Variants in SETD1A observed in about 807,000 individuals in gnomAD.
SETD1A encodes SET domain containing 1A, histone lysine methyltransferase.
SETD1A carries 29 observed loss-of-function variants against 149.9 expected under a neutral mutation model. The observed-to-expected ratio is 0.19, with a 90% CI of 0.14 to 0.26. SETD1A has a LOEUF of 0.26. SETD1A is among the 10% of genes least tolerant of loss of function. The pLI, the probability that SETD1A is intolerant of heterozygous loss-of-function variation, is 1.00. For missense variants in SETD1A, 2,109 were observed against 2,353.1 expected, an observed-to-expected ratio of 0.90 and a Z score of 2.15; for synonymous variants, 1,141 against 968.5, an observed-to-expected ratio of 1.18 and a Z score of -3.31.
In SETD1A at chr16:30,963,566, G is replaced by A. The variant is rs1420255109; in HGVS notation, c.639+12G>A. On this transcript the variant is annotated intron_variant, in intron 5 of 18. Transcript: ENST00000262519. ...CAGCCACTGAGACGGTGAGAAGTTTGTGGCTACCACAGCCCCTAGCCATGT... is the reference window on the plus strand; with the variant it reads ...CAGCCACTGAGACGGTGAGAAGTTTATGGCTACCACAGCCCCTAGCCATGT... 3.7e-6 allele frequency: 6 copies of A among 1,610,286 alleles called. No homozygotes were observed. In the African/African-American group the frequency reaches 8.0e-5, roughly 22 times the overall value.
rs771075721 is a variant in SETD1A at position 30,965,595 on chromosome 16, C to T, written c.1720-6C>T. On this transcript the variant is annotated splice_region_variant and splice_polypyrimidine_tract_variant and intron_variant, in intron 7 of 18. Coordinates refer to ENST00000262519, the MANE Select transcript of SETD1A (RefSeq NM_014712.3). ...AGCCTTCTGTGACCCTCTTCTGCCC[C>T]CGCAGGCTTCTCCATGCTCTTCTGG... 3 of 1,612,356 alleles carry T rather than the reference C, an allele frequency of 1.9e-6. No individual in the cohort carries two copies. Among genetic ancestry groups the T allele is most frequent in the Non-Finnish European group, 2.5e-6 (3 of 1,179,384 alleles).
At chr16:30,966,444 T>A (rs1437852357) in intron 8 of SETD1A, 58 bp downstream of exon 8, 22 of 1,536,822 alleles carry the variant, frequency 1.4e-5, no homozygotes, top group Admixed American at 8.0e-5. Context: ...AATGGGCCTC[T>A]GGCTCCTCCA....
Position 30,983,635 on chromosome 16 carries a change from ATGG to A in SETD1A, c.4817_4819del (p.Val1606del), listed in dbSNP as rs1476326498. The A allele has an allele frequency of 6.2e-7, 1 of 1,612,162 alleles. No individual in the cohort carries two copies. Among genetic ancestry groups the A allele is most frequent in the Non-Finnish European group, 8.5e-7 (1 of 1,179,602 alleles). ...TGACCATCGCATCTCACCCTGGCAG[ATGG>A]TGGCCGACATGCGGGAGAAGCGCTA... On this transcript the variant is annotated inframe_deletion and splice_region_variant, in exon 18 of 19. Transcript: ENST00000262519. This position sits in a 1 kb window ranked among gnomAD's most constrained non-coding sequence, Gnocchi z 6.8.
At position 30,966,073 on chromosome 16, in the gene SETD1A, C is replaced by T. The variant is rs370969594; in HGVS notation, c.2192C>T (p.Ala731Val). Residue 731 changes from alanine to valine, a missense_variant, in exon 8 of 19, where the codon GCT (alanine) becomes GTT (valine). By Grantham distance (64) the Ala-to-Val change is moderately conservative. Coordinates refer to ENST00000262519, the MANE Select transcript of SETD1A (RefSeq NM_014712.3). Reference protein sequence around the residue: ...PQEAAYGLPYALYAQGQEGRG... With the variant: ...PQEAAYGLPYVLYAQGQEGRG... Reference sequence around the variant, plus strand: ...GAGGCAGCCTACGGCTTGCCGTATGCTCTATATGCACAGGGGCAGGAGGGC... The same window carrying T: ...GAGGCAGCCTACGGCTTGCCGTATGTTCTATATGCACAGGGGCAGGAGGGC... 2 of 1,585,884 alleles carry T rather than the reference C, an allele frequency of 1.3e-6. No homozygotes were observed.
In SETD1A at chr16:30,980,115, G is replaced by C. The variant is rs563291051; in HGVS notation, c.4329G>C (p.Leu1443=). Residue 1443 remains leucine, a synonymous_variant, in exon 14 of 19, where the codon CTG becomes CTC. Coordinates refer to ENST00000262519, the MANE Select transcript of SETD1A (RefSeq NM_014712.3). The surrounding 1 kb of genome is among the most constrained non-coding windows in gnomAD (Gnocchi z 7.7). ...SGLDSEDMSY[L]RLTYERLLQQ... ...TGGACTCAGAGGACATGAGTTACCT[G>C]CGGCTTACGTACGAGCGGCTGCTGC... 1 of 1,613,366 alleles carries C rather than the reference G, an allele frequency of 6.2e-7. No individual in the cohort carries two copies. Among genetic ancestry groups the C allele is most frequent in the South Asian group, 1.1e-5 (1 of 91,072 alleles).
rs777098458 is a variant in SETD1A, at chr16:30,971,487, ATCCTCCTCCTCC to A, written c.3132_3143del (p.Ser1055_Ser1058del). 1 of 1,611,532 alleles carries A rather than the reference ATCCTCCTCCTCC, an allele frequency of 6.2e-7. No individual in the cohort carries two copies. Among genetic ancestry groups the A allele is most frequent in the Non-Finnish European group, 8.5e-7 (1 of 1,178,720 alleles). On this transcript the variant is annotated inframe_deletion, in exon 13 of 19. Transcript: ENST00000262519. ...AGAGCAGCAGCTCTTCCAGCTCCTC[ATCCTCCTCCTCC>A]TCCTCGTCCTCATCCTCCTCGTCCT... is the stretch of plus-strand genomic sequence containing the variant.
chr16:30,965,266 T>C lies in SETD1A; in HGVS notation c.1524T>C (p.Ser508=). ...EQRSKFSFLA[S]DTEEEEENSS... Reference sequence around the variant, plus strand: ...GCTCCAAGTTTTCCTTCTTGGCCTCTGACACAGAGGAGGAGGAAGAGAACA... The same window carrying C: ...GCTCCAAGTTTTCCTTCTTGGCCTCCGACACAGAGGAGGAGGAAGAGAACA... The change falls in exon 7 of 19, where the codon TCT becomes TCC. Residue 508 remains serine, a synonymous_variant. Coordinates refer to ENST00000262519, the MANE Select transcript of SETD1A (RefSeq NM_014712.3). 6.2e-7 allele frequency: 1 copy of C among 1,614,196 alleles called. No homozygotes were observed. Among genetic ancestry groups the C allele is most frequent in the Non-Finnish European group, 8.5e-7 (1 of 1,180,032 alleles).
At chr16:30,971,831 C>G (rs2056229429) in intron 13 of SETD1A, 112 bp downstream of exon 13, 12 of 1,336,852 alleles carry the variant, frequency 9.0e-6, no homozygotes, top group Non-Finnish European at 1.2e-5. Flanking sequence ...GAAAAACATA[C>G]AAAGAAAATG....
chr16:30,979,459 G>T lies in SETD1A; in HGVS notation c.3673G>T (p.Val1225Leu), dbSNP rs1454213113. ...TCTGGTCAAGAGTTGGCCCGAGGAG[G>T]TGTCCCGAGGAGGCCGGAGCCGGGC... ...ASLVKSWPEE[V>L]SRGGRSRAGG... Residue 1225 changes from valine (V) to leucine (L), a missense_variant, in exon 14 of 19, where the codon GTG becomes TTG. This residue lies in a region of SETD1A where 832 missense variants were observed against 815.6 expected (regional missense o/e 1.02). Coordinates refer to ENST00000262519, the MANE Select transcript of SETD1A (RefSeq NM_014712.3). 23 of 1,601,876 alleles carry T rather than the reference G, an allele frequency of 1.4e-5. No individual in the cohort carries two copies. The highest frequency in any genetic ancestry group is 3.5e-5 in the Admixed American group (2 of 57,746).
Position 30,980,023 on chromosome 16 carries a change from C to A in SETD1A, c.4237C>A (p.Arg1413Ser). The A allele has an allele frequency of 3.2e-6, 5 of 1,577,476 alleles. No individual in the cohort carries two copies. Among genetic ancestry groups the A allele is most frequent in the Non-Finnish European group, 4.3e-6 (5 of 1,165,038 alleles). The change falls in exon 14 of 19, where the codon CGC (arginine) becomes AGC (serine). Residue 1413 changes from arginine to serine, a missense_variant. Around this residue, in one of 8 missense-constraint regions of SETD1A, gnomAD observed 832 missense variants for 815.6 expected, o/e 1.02. Coordinates refer to ENST00000262519, the MANE Select transcript of SETD1A (RefSeq NM_014712.3). This position sits in a 1 kb window ranked among gnomAD's most constrained non-coding sequence, Gnocchi z 7.7. ...PPPPPPPPPPRAYEPRSEFEQ... is the reference protein window; with the variant it reads ...PPPPPPPPPPSAYEPRSEFEQ... ...GCCCCCACCCCCGCCGCCACCGCCC[C>A]GCGCCTACGAGCCACGCAGTGAGTT...
At chr16:30,968,487 TATAC>T in intron 10 of SETD1A, among the ~76,000 whole-genome samples, 1 of 151,574 alleles carries the variant, frequency 6.6e-6, no homozygotes, top group Non-Finnish European at 1.5e-5. Context: ...CACATATATA[TATAC>T]ACACACATAT....
Position 30,967,537 on chromosome 16 carries a change from A to G in SETD1A, c.2719A>G (p.Ser907Gly). Residue 907 changes from serine to glycine, a missense_variant, in exon 10 of 19, where the codon AGT becomes GGT. By Grantham distance (56) the Ser-to-Gly change is moderately conservative (BLOSUM62 0). This residue lies in a region of SETD1A where 832 missense variants were observed against 815.6 expected (regional missense o/e 1.02). Coordinates refer to ENST00000262519, the MANE Select transcript of SETD1A (RefSeq NM_014712.3). The part of the protein sequence containing the change: ...RKEPSEISEA[S>G]EEKRPRPSTP... ...AGAGCCATCGGAAATTTCCGAGGCCAGTGAGGAAAAGAGGCCTCGTCCCTC... is the reference window on the plus strand; with the variant it reads ...AGAGCCATCGGAAATTTCCGAGGCCGGTGAGGAAAAGAGGCCTCGTCCCTC... The G allele has an allele frequency of 6.2e-7, 1 of 1,613,984 alleles. No individual in the cohort carries two copies. Among genetic ancestry groups the G allele is most frequent in the Middle Eastern group, 1.6e-4 (1 of 6,062 alleles).
In SETD1A at chr16:30,961,913, A is replaced by T. The variant is rs2056057402; in HGVS notation, c.517+376A>T. Among the ~76,000 whole-genome samples, 1 of 152,078 alleles carries T rather than the reference A, an allele frequency of 6.6e-6. No homozygotes were observed. Among genetic ancestry groups the T allele is most frequent in the Admixed American group, 6.6e-5 (1 of 15,262 alleles). On this transcript the variant is annotated intron_variant, in intron 4 of 18. Transcript: ENST00000262519. This position sits in a 1 kb window ranked among gnomAD's most constrained non-coding sequence, Gnocchi z 4.0. ...ACCTAGGCTGGAGAGCAGTGGCGTG[A>T]TCTTTCCTCACTGCAGCCTCCAGCT...
chr16:30,973,169 G>A (rs1251023005), intron 13 of SETD1A, among the ~76,000 whole-genome samples: 1 of 152,124 alleles, frequency 6.6e-6, no homozygotes, highest in Non-Finnish European at 1.5e-5. Flanking sequence ...AGACAAATAG[G>A]CCAGCCATGT....
intron 13 of SETD1A, among the ~76,000 whole-genome samples, chr16:30,976,820 G>A (rs1388739205): frequency 6.6e-6 from 1 of 151,832 alleles, no homozygotes; most frequent in African/African-American, 2.4e-5. Context: ...AGAGGTGGAA[G>A]AGGAGAGGAA....
rs1440748952 is a variant in SETD1A, at chr16:30,965,586, C to G, written c.1720-15C>G. 1 of 1,610,734 alleles carries G rather than the reference C, an allele frequency of 6.2e-7. No homozygotes were observed. Among genetic ancestry groups the G allele is most frequent in the African/African-American group, 1.3e-5 (1 of 74,720 alleles). On this transcript the variant is annotated splice_polypyrimidine_tract_variant and intron_variant, in intron 7 of 18. Transcript: ENST00000262519. ...TCAGGCAGAAGCCTTCTGTGACCCT[C>G]TTCTGCCCCCGCAGGCTTCTCCATG... is the stretch of plus-strand genomic sequence containing the variant.
At chr16:30,971,816 T>C in intron 13 of SETD1A, 97 bp downstream of exon 13, 2 of 1,398,686 alleles carry the variant, frequency 1.4e-6, no homozygotes, top group Non-Finnish European at 1.9e-6. Context: ...TGTGTGACTT[T>C]ATTAGAAAAA....
intron 17 of SETD1A, among the ~76,000 whole-genome samples, chr16:30,981,821 C>T (rs2056381954): frequency 6.6e-6 from 1 of 152,168 alleles, no homozygotes; most frequent in African/African-American, 2.4e-5. Flanking sequence ...CGTGGGGGTA[C>T]ATGGCTGTGG....
rs925516200 is a variant in SETD1A, at chr16:30,959,072, C to T, written c.151-19C>T. ...GGATTCACCCTGAGCTCTCTTTCTG[C>T]TGCTGCTTTCCTTCCTAGGACTCAA... On this transcript the variant is annotated intron_variant, in intron 2 of 18. Transcript: ENST00000262519. 1 of 1,581,718 alleles carries T rather than the reference C, an allele frequency of 6.3e-7. No individual in the cohort carries two copies. The highest frequency in any genetic ancestry group is 8.7e-7 in the Non-Finnish European group (1 of 1,150,456).
Sources: allele counts gnomAD v4.1 joint callset (sites outside exome capture counted in the v4.1 genomes callset), GRCh38; gene constraint gnomAD v4.1.1; regional missense constraint gnomAD v4.1.1; non-coding constraint Gnocchi (gnomAD v3.1); transcripts MANE v1.5; gene names NCBI Gene and HGNC (gene_info 2026-07-23, HGNC 2026-07-21).